Variants in HIF3A observed in about 807,000 individuals in gnomAD.
HIF3A encodes hypoxia inducible factor 3 subunit alpha.
In HIF3A, 41 loss-of-function variants were observed where a neutral mutation model predicts 67.2. The observed-to-expected ratio is 0.61, with a 90% CI of 0.48 to 0.79. The LOEUF (loss-of-function observed/expected upper bound fraction) is 0.79, where lower values mean the gene tolerates loss of function less well. HIF3A is among the 30% of genes least tolerant of loss of function. The pLI is 0.00. For missense variants in HIF3A, 855 were observed against 898.0 expected (o/e 0.95, Z 0.61); for synonymous variants, 356 against 374.8 (o/e 0.95, Z 0.58).
chr19:46,304,344 G>A (rs1268506714), intron 2 of HIF3A, among the ~76,000 whole-genome samples: 4 of 151,522 alleles, frequency 2.6e-5, no homozygotes, highest in African/African-American at 7.3e-5. Context: ...CCTGGAACGC[G>A]CCCTTTGGAA....
At position 46,305,235 on chromosome 19, in the gene HIF3A, C is replaced by T. The variant is rs1001945397; in HGVS notation, c.218-10C>T. ...TAGAGATGCCCCCATCCCCCTGCCC[C>T]GGGCACCAGGGGAGTGGAACCAGGT... On this transcript the variant is annotated splice_polypyrimidine_tract_variant and intron_variant, in intron 2 of 14. Coordinates refer to ENST00000377670, the MANE Select transcript of HIF3A (RefSeq NM_152795.4). 5.0e-6 allele frequency: 8 copies of T among 1,613,706 alleles called. No individual in the cohort carries two copies. Among genetic ancestry groups the T allele is most frequent in the African/African-American group, 1.3e-5 (1 of 74,922 alleles).
At chr19:46,332,362 T>C (rs967977086) in intron 13 of HIF3A, among the ~76,000 whole-genome samples, 3 of 150,700 alleles carry the variant, frequency 2.0e-5, no homozygotes, top group Non-Finnish European at 3.0e-5. Context: ...AGTAAGATGC[T>C]GTCTGTACAA....
At chr19:46,327,313 CT>C (rs1307956936) in intron 11 of HIF3A, among the ~76,000 whole-genome samples, 4 of 149,838 alleles carry the variant, frequency 2.7e-5, no homozygotes. Flanking sequence ...CTTTTTTTTT[CT>C]TTTTTCTTTT....
chr19:46,297,837 C>T lies in HIF3A; in HGVS notation c.26+735C>T, dbSNP rs1473937870. Among the ~76,000 whole-genome samples the T allele has an allele frequency of 3.3e-5, 5 of 152,114 alleles. No individual in the cohort carries two copies. Among genetic ancestry groups the T allele is most frequent in the African/African-American group, 1.2e-4 (5 of 41,426 alleles). On this transcript the variant is annotated intron_variant, in intron 1 of 14. Coordinates refer to ENST00000377670, the MANE Select transcript of HIF3A (RefSeq NM_152795.4). The surrounding 1 kb of genome is among the most constrained non-coding windows in gnomAD (Gnocchi z 4.5). ...GCCCCTCATCTCACCCCTGCACCCC[C>T]ATCCTGAGAGACAGGGGAGCCTCAT... is the stretch of plus-strand genomic sequence containing the variant.
Position 46,330,265 on chromosome 19 carries a change from T to TGGA in HIF3A, c.1712+787_1712+788insGGA, listed in dbSNP as rs1280281610. Among the ~76,000 whole-genome samples the TGGA allele has an allele frequency of 7.2e-5, 11 of 152,276 alleles. No homozygotes were observed. The East Asian group carries it at 1.9e-3, about 27-fold the overall frequency. On this transcript the variant is annotated intron_variant, in intron 12 of 14. Transcript: ENST00000377670. ...AATTATTAATGAATATAGTTGGCAC[T>TGGA]TTAATGGGTGGACAGGTGGATGGAT...
Position 46,312,608 on chromosome 19 carries a change from G to A in HIF3A, c.980G>A (p.Arg327Gln), listed in dbSNP as rs1227145320. The A allele has an allele frequency of 4.4e-6, 7 of 1,593,958 alleles. No individual in the cohort carries two copies. Among genetic ancestry groups the A allele is most frequent in the African/African-American group, 2.7e-5 (2 of 74,278 alleles). Residue 327 changes from arginine (R) to glutamine (Q), a missense_variant, in exon 8 of 15, where the codon CGG becomes CAG. Arg to Gln is a conservative substitution (Grantham distance 43). Coordinates refer to ENST00000377670, the MANE Select transcript of HIF3A (RefSeq NM_152795.4). ...CAGGCCACAGTGGTGTCAGGGGGAC[G>A]GGGCCCCCAGTCGGAGAGTATCGTC... ...QTQATVVSGGRGPQSESIVCV... is the reference protein window; with the variant it reads ...QTQATVVSGGQGPQSESIVCV...
At chr19:46,320,630 T>A in intron 9 of HIF3A, 69 bp downstream of exon 9, 2 of 1,200,094 alleles carry the variant, frequency 1.7e-6, no homozygotes, top group Non-Finnish European at 2.4e-6. Context: ...CCAAGCACCT[T>A]AACATGGCTC....
chr19:46,299,480 G>T (rs908515301), intron 1 of HIF3A, among the ~76,000 whole-genome samples: 1 of 152,158 alleles, frequency 6.6e-6, no homozygotes, highest in Admixed American at 6.5e-5. Context: ...AGCACTTTGG[G>T]AGGCTGAGGT....
intron 8 of HIF3A, among the ~76,000 whole-genome samples, chr19:46,318,994 C>A (rs1042367749): frequency 6.6e-6 from 1 of 152,144 alleles, no homozygotes; most frequent in South Asian, 2.1e-4. Context: ...GGGATTTGAA[C>A]CCAGGCCACT....
At chr19:46,321,718 C>G (rs761326441) in intron 9 of HIF3A, 58 bp from the exon 10 acceptor site, 1 of 1,500,838 alleles carries the variant, frequency 6.7e-7, no homozygotes, top group African/African-American at 1.4e-5. Flanking sequence ...ATGGAGGGCT[C>G]TGGCCCTTGG....
intron 8 of HIF3A, among the ~76,000 whole-genome samples, chr19:46,315,694 A>G (rs1969859736): frequency 1.3e-5 from 2 of 152,174 alleles, no homozygotes; most frequent in Non-Finnish European, 2.9e-5. Flanking sequence ...AGGGCAGATC[A>G]GTTGAGGCCA....
chr19:46,331,228 C>G lies in HIF3A; in HGVS notation c.1785C>G (p.Ser595=). 2 of 1,614,010 alleles carry G rather than the reference C, an allele frequency of 1.2e-6. No homozygotes were observed. Among genetic ancestry groups the G allele is most frequent in the Non-Finnish European group, 1.7e-6 (2 of 1,179,966 alleles). ...ELLGVRPPKR[S]PSPEHENFLL... is the part of the protein sequence containing the mutation. ...TGGGAGTGAGACCTCCCAAAAGGTC[C>G]CCCAGCCCAGAACACGAAAACTTTC... The change falls in exon 13 of 15, where the codon TCC becomes TCG. Residue 595 remains serine, a synonymous_variant. Transcript: ENST00000377670.
intron 3 of HIF3A, chr19:46,306,513 A>G (rs1339342951): frequency 6.6e-6 from 1 of 152,254 alleles, no homozygotes; most frequent in African/African-American, 2.4e-5. Context: ...ATCCTTGTGC[A>G]GAGGCCATGC....
chr19:46,309,448 T>C (rs886546754), intron 6 of HIF3A, 89 bp downstream of exon 6: 35 of 707,144 alleles, frequency 4.9e-5, no homozygotes, highest in Admixed American at 2.0e-4. Flanking sequence ...TCTCTCCTTC[T>C]CTCTCTCTCT....
intron 14 of HIF3A, among the ~76,000 whole-genome samples, chr19:46,337,275 G>A (rs970071985): frequency 2.0e-5 from 3 of 152,036 alleles, no homozygotes; most frequent in Non-Finnish European, 2.9e-5. Context: ...GGGACAGGGT[G>A]TGTCTTGCTC....
intron 3 of HIF3A, among the ~76,000 whole-genome samples, chr19:46,306,796 A>C (rs1312965713): frequency 6.6e-6 from 1 of 152,216 alleles, no homozygotes; most frequent in Non-Finnish European, 1.5e-5. Flanking sequence ...GAAGTGGCAC[A>C]GCCAGGATTT....
chr19:46,313,984 G>A lies in HIF3A; in HGVS notation c.1025+1331G>A, dbSNP rs564235676. Among the ~76,000 whole-genome samples, 149 of 151,948 alleles carry A rather than the reference G, an allele frequency of 9.8e-4. 1 individual carries two copies. Among genetic ancestry groups the A allele is most frequent in the Admixed American group, 2.8e-3 (42 of 15,256 alleles). On this transcript the variant is annotated intron_variant, in intron 8 of 14. Transcript: ENST00000377670. Reference sequence around the variant, plus strand: ...GCCCATGTTGTGGTTTATATCAGTAGTTCCTTTGTAAATAGTGAACAGTAT... The same window carrying A: ...GCCCATGTTGTGGTTTATATCAGTAATTCCTTTGTAAATAGTGAACAGTAT...
intron 13 of HIF3A, among the ~76,000 whole-genome samples, chr19:46,333,611 T>C (rs1001135258): frequency 1.3e-5 from 2 of 152,008 alleles, no homozygotes; most frequent in Non-Finnish European, 2.9e-5. Flanking sequence ...GATGAGGCCC[T>C]GGAGGAACAC....
chr19:46,309,069 C>A, intron 5 of HIF3A, 82 bp from the exon 6 acceptor site: 2 of 1,165,680 alleles, frequency 1.7e-6, no homozygotes, highest in South Asian at 1.5e-5. Context: ...CCCTGATGGG[C>A]CCTCAGGACG....
Sources: gnomAD v4.1 joint callset for allele counts (sites outside exome capture counted in the v4.1 genomes callset) on GRCh38, gnomAD v4.1.1 for gene constraint, Gnocchi (gnomAD v3.1) non-coding constraint, MANE v1.5 for transcripts, NCBI Gene and HGNC (gene_info 2026-07-23, HGNC 2026-07-21) for gene names.